PLB1: variants seen among roughly 807,000 people sequenced by gnomAD.
PLB1 encodes the protein phospholipase B1, membrane-associated.
PLB1 carries 242 observed loss-of-function variants against 227.4 expected under a neutral mutation model. That is an observed-to-expected ratio of 1.06 (90% CI 0.96 to 1.18). The LOEUF is 1.18. PLB1 is among the 50% of genes most tolerant of loss of function. The probability of loss-of-function intolerance (pLI) is 0.00; values close to 1 mark genes in which losing one functional copy is unlikely to be tolerated. For synonymous variants in PLB1, 757 were observed against 682.2 expected (o/e 1.11, Z -1.71); for missense variants, 1,858 against 1,816.3 (o/e 1.02, Z -0.42).
At chr2:28,589,869 G>GA in intron 28 of PLB1, 99 bp downstream of exon 28, 1 of 1,372,096 alleles carries the variant, frequency 7.3e-7, no homozygotes, top group Non-Finnish European at 1.0e-6. Flanking sequence ...CAGGCCATGT[G>GA]ATTCTATGCA....
intron 14 of PLB1, among the ~76,000 whole-genome samples, chr2:28,547,344 G>A (rs957387830): frequency 3.9e-5 from 6 of 152,028 alleles, no homozygotes; most frequent in Non-Finnish European, 8.8e-5. Context: ...TTCTAGGAGC[G>A]GCCACCATCA....
rs369363194 is a variant in PLB1 at position 28,573,257 on chromosome 2, C to A, written c.1385C>A (p.Thr462Asn). The A allele has an allele frequency of 1.6e-5, 26 of 1,614,000 alleles. No individual in the cohort carries two copies. The African/African-American group carries it at 3.1e-4, about 19-fold the overall frequency. Residue 462 changes from threonine (T) to asparagine (N), a missense_variant, in exon 21 of 58, where the codon ACC becomes AAC. By Grantham distance (65) the Thr-to-Asn change is moderately conservative. Transcript: ENST00000327757. ...TTCTCTGTTGGCACTGGGAAAGAAACCAGTCCTAATGCCTTCTTAAACCAG... is the reference window on the plus strand; with the variant it reads ...TTCTCTGTTGGCACTGGGAAAGAAAACAGTCCTAATGCCTTCTTAAACCAG... ...KGFSVGTGKE[T>N]SPNAFLNQAV...
intron 1 of PLB1, among the ~76,000 whole-genome samples, chr2:28,500,847 ATTACAGATT>A (rs2148153878): frequency 6.6e-6 from 1 of 152,372 alleles, no homozygotes; most frequent in South Asian, 2.1e-4. Flanking sequence ...TGCCAAAGTT[ATTACAGATT>A]TGGCCAGTGA....
intron 1 of PLB1, among the ~76,000 whole-genome samples, chr2:28,501,943 T>G (rs140209423): frequency 6.6e-6 from 1 of 152,186 alleles, no homozygotes; most frequent in Non-Finnish European, 1.5e-5. Flanking sequence ...TGTATCTTTT[T>G]CAAGTTCAGC....
chr2:28,548,525 C>T (rs954226367), intron 14 of PLB1: 1 of 483,580 alleles, frequency 2.1e-6, no homozygotes, highest in Non-Finnish European at 4.2e-6. Context: ...TGGCTGGGCC[C>T]CACCTCAACC....
At chr2:28,515,065 A>C (rs1182541579) in intron 1 of PLB1, among the ~76,000 whole-genome samples, 2 of 152,214 alleles carry the variant, frequency 1.3e-5, no homozygotes, top group Admixed American at 1.3e-4. Context: ...TAAAGTTGTC[A>C]TGAGGATTAA....
chr2:28,626,356 G>A lies in PLB1; in HGVS notation c.3580-72G>A, dbSNP rs559022049. On this transcript the variant is annotated intron_variant, in intron 50 of 57. Coordinates refer to ENST00000327757, the MANE Select transcript of PLB1 (RefSeq NM_153021.5). The stretch of plus-strand genomic sequence containing the variant: ...GACAAAAGGCACTTGGAGGGCGGGC[G>A]GGCTGGCCCAGTAGCAACATTTGTA... The A allele has an allele frequency of 2.0e-4, 257 of 1,296,460 alleles. 3 individuals carry two copies. The South Asian group carries it at 2.5e-3, about 13-fold the overall frequency. 80.3% of individuals were successfully genotyped at this position (1,296,460 alleles called of 1,614,324 possible). A position where few individuals can be genotyped will look rare whatever the true frequency, so the allele number is the denominator to read the frequency against.
At chr2:28,521,406 A>G (rs1669517952) in intron 4 of PLB1, among the ~76,000 whole-genome samples, 1 of 152,180 alleles carries the variant, frequency 6.6e-6, no homozygotes, top group African/African-American at 2.4e-5. Flanking sequence ...ACAGTGCACA[A>G]GGGTTCTAAT....
At chr2:28,591,592 G>A in intron 30 of PLB1, 108 bp from the exon 31 acceptor site, 1 of 1,185,016 alleles carries the variant, frequency 8.4e-7, no homozygotes, top group African/African-American at 1.5e-5. Flanking sequence ...CTCCCTAGGA[G>A]TAGGACCCAG....
At chr2:28,641,702 T>A (rs1689994503) in intron 57 of PLB1, among the ~76,000 whole-genome samples, 1 of 152,188 alleles carries the variant, frequency 6.6e-6, no homozygotes, top group Admixed American at 6.5e-5. Context: ...TGTCTGTTCC[T>A]GGAGCCTGCA....
At chr2:28,595,540 T>G (rs1307754205) in intron 33 of PLB1, 5 of 152,300 alleles carry the variant, frequency 3.3e-5, no homozygotes, top group Admixed American at 2.6e-4. Flanking sequence ...TATTAAAGGC[T>G]CTCATAAGGC....
chr2:28,591,901 G>A, intron 31 of PLB1, 141 bp downstream of exon 31: 2 of 818,546 alleles, frequency 2.4e-6, no homozygotes, highest in South Asian at 3.1e-5. Context: ...GGTCACCTGG[G>A]ATGAGTCCCT....
chr2:28,546,357 A>G (rs1163849686), intron 14 of PLB1, among the ~76,000 whole-genome samples: 1 of 152,202 alleles, frequency 6.6e-6, no homozygotes, highest in Non-Finnish European at 1.5e-5. Flanking sequence ...TGCCGAAGCC[A>G]CAGGCAGAAT....
At chr2:28,515,801 A>G (rs1668781774) in intron 1 of PLB1, among the ~76,000 whole-genome samples, 1 of 152,216 alleles carries the variant, frequency 6.6e-6, no homozygotes, top group African/African-American at 2.4e-5. Context: ...GGGAGAAGTC[A>G]GAGGAAGTAA....
At chr2:28,610,173 G>A (rs376521107) in intron 43 of PLB1, among the ~76,000 whole-genome samples, 12 of 152,176 alleles carry the variant, frequency 7.9e-5, no homozygotes, top group African/African-American at 2.9e-4. Flanking sequence ...GTATACATGT[G>A]CCATGGTGGT....
At chr2:28,613,691 A>G (rs75610684) in intron 43 of PLB1, among the ~76,000 whole-genome samples, 3,524 of 152,300 alleles carry the variant, frequency 0.023, 147 homozygotes, top group African/African-American at 0.079. Context: ...AAAAATGCTG[A>G]AACATGAATC....
chr2:28,567,696 T>G (rs570532653), intron 20 of PLB1, among the ~76,000 whole-genome samples: 7 of 152,076 alleles, frequency 4.6e-5, no homozygotes, highest in Non-Finnish European at 7.4e-5. Context: ...ATGGTCTCGA[T>G]TTCCTGACTT....
chr2:28,573,378 G>C, intron 21 of PLB1, 73 bp downstream of exon 21: 2 of 1,129,348 alleles, frequency 1.8e-6, no homozygotes, highest in South Asian at 2.5e-5. Context: ...GCCTAAACTG[G>C]GTTTATGGCT....
At chr2:28,600,884 C>G (rs1683763254) in intron 36 of PLB1, 24 bp downstream of exon 36, 1 of 1,593,574 alleles carries the variant, frequency 6.3e-7, no homozygotes, top group African/African-American at 1.3e-5. Context: ...ACTGTTATTT[C>G]TAAACATTAA....
Sources: gnomAD v4.1 joint callset for allele counts (sites outside exome capture counted in the v4.1 genomes callset) on GRCh38, gnomAD v4.1.1 for gene constraint, MANE v1.5 for transcripts, NCBI Gene and HGNC (gene_info 2026-07-23, HGNC 2026-07-21) for gene names.